The following S100A8 variants were observed in gnomAD, a reference collection of about 807,000 sequenced individuals.
S100A8 encodes protein S100-A8.
Under a neutral mutation model 4.2 loss-of-function variants are expected in S100A8, and 1 was observed. That is an observed-to-expected ratio of 0.24 (90% CI 0.08 to 1.12). The LOEUF (loss-of-function observed/expected upper bound fraction) is 1.12. S100A8 is among the 50% of genes most tolerant of loss of function. S100A8 has a pLI of 0.53. For missense variants in S100A8, 96 were observed against 111.8 expected (o/e 0.86, Z 0.64); for synonymous variants, 41 against 44.7 (o/e 0.92, Z 0.33).
At chr1:153,411,908 C>A in the S100A8 span, among the ~76,000 whole-genome samples, 1 of 152,148 alleles carries the variant, frequency 6.6e-6, no homozygotes, top group East Asian at 1.9e-4. Context: ...ATAAATGGTG[C>A]TGGGAAAACT....
the S100A8 span, among the ~76,000 whole-genome samples, chr1:153,417,736 G>T: frequency 6.6e-6 from 1 of 152,072 alleles, no homozygotes; most frequent in Non-Finnish European, 1.5e-5. Context: ...GCCATGTGCT[G>T]GTTGAGGCTG....
At chr1:153,409,348 C>CT in the S100A8 span, among the ~76,000 whole-genome samples, 2 of 152,132 alleles carry the variant, frequency 1.3e-5, no homozygotes, top group Non-Finnish European at 2.9e-5. Flanking sequence ...ATAAAACAGA[C>CT]TTTAAACCAA....
chr1:153,405,708 G>A, the S100A8 span, among the ~76,000 whole-genome samples: 17 of 152,254 alleles, frequency 1.1e-4, no homozygotes, highest in African/African-American at 4.1e-4. Flanking sequence ...CATTAAGCTT[G>A]TCCCCCACCT....
chr1:153,409,538 A>C, the S100A8 span, among the ~76,000 whole-genome samples: 271 of 152,346 alleles, frequency 1.8e-3, 1 homozygote, highest in Non-Finnish European at 2.2e-3. Flanking sequence ...GGGAGACTTT[A>C]ATACCCCACT....
chr1:153,401,934 T>C, the S100A8 span, among the ~76,000 whole-genome samples: 4 of 152,182 alleles, frequency 2.6e-5, no homozygotes, highest in Non-Finnish European at 5.9e-5. Context: ...TTTTTATCTT[T>C]AGGATTAGAG....
In S100A8 at chr1:153,390,056, C is replaced by A. The variant is rs1424715768; in HGVS notation, c.*47G>T. On this transcript the variant is annotated 3_prime_UTR_variant, in exon 3 of 3. Coordinates refer to ENST00000368733, the MANE Select transcript of S100A8 (RefSeq NM_002964.5). ...ATGAGGTATTGATGACTTTATTATT[C>A]TGCAGGTACATGTCCAGGGGCCCAG... The A allele has an allele frequency of 2.6e-6, 4 of 1,540,994 alleles. No individual in the cohort carries two copies. Among genetic ancestry groups the A allele is most frequent in the Middle Eastern group, 1.7e-4 (1 of 5,800 alleles).
At chr1:153,391,746 A>G (rs1662104054), upstream of S100A8, among the ~76,000 whole-genome samples, 1 of 152,036 alleles carries the variant, frequency 6.6e-6, no homozygotes, top group Admixed American at 6.6e-5. Context: ...GCCCTGGGAG[A>G]TGGAGGCTGC....
chr1:153,415,667 G>A, the S100A8 span, among the ~76,000 whole-genome samples: 1 of 146,242 alleles, frequency 6.8e-6, no homozygotes, highest in Non-Finnish European at 1.5e-5. Flanking sequence ...CCATGGGGCA[G>A]GAAAGAACTT....
upstream of S100A8, among the ~76,000 whole-genome samples, chr1:153,392,825 A>G (rs1662132647): frequency 6.6e-6 from 1 of 152,132 alleles, no homozygotes; most frequent in South Asian, 2.1e-4. Context: ...AAATAAATCC[A>G]GCTCTCTCTG....
chr1:153,397,648 G>A, the S100A8 span, among the ~76,000 whole-genome samples: 1 of 152,188 alleles, frequency 6.6e-6, no homozygotes, highest in Admixed American at 6.5e-5. Context: ...TGGTGGGCAT[G>A]AGGACCAGTG....
intron 1 of S100A8, 107 bp from the exon 2 acceptor site, chr1:153,390,664 A>G: frequency 7.1e-7 from 1 of 1,401,872 alleles, no homozygotes; most frequent in South Asian, 1.3e-5. Context: ...CCTGGCCTGC[A>G]CTCTCCAAAT....
chr1:153,398,475 C>T, the S100A8 span, among the ~76,000 whole-genome samples: 1 of 152,218 alleles, frequency 6.6e-6, no homozygotes, highest in South Asian at 2.1e-4. Context: ...ACTGTGCCAC[C>T]CTCTCCAGAG....
chr1:153,396,794 C>T, the S100A8 span: 1 of 152,356 alleles, frequency 6.6e-6, no homozygotes, highest in African/African-American at 2.4e-5. Flanking sequence ...GCATCAACAA[C>T]CCACCCAGGC....
the S100A8 span, among the ~76,000 whole-genome samples, chr1:153,418,851 A>G: frequency 6.6e-6 from 1 of 152,136 alleles, no homozygotes; most frequent in Admixed American, 6.5e-5. Context: ...GGGAACAGGC[A>G]AGATTGAGGC....
At position 153,390,527 on chromosome 1, in the gene S100A8, G is replaced by C. The variant is rs146790966; in HGVS notation, c.9C>G (p.Thr3=). 6.2e-7 allele frequency: 1 copy of C among 1,614,020 alleles called. No individual in the cohort carries two copies. Among genetic ancestry groups the C allele is most frequent in the East Asian group, 2.2e-5 (1 of 44,896 alleles). The change falls in exon 2 of 3, where the codon ACC becomes ACG. Residue 3 remains threonine, a synonymous_variant. Coordinates refer to ENST00000368733, the MANE Select transcript of S100A8 (RefSeq NM_002964.5). ...TAGAGTTCAAGGCTTTCTCCAGCTC[G>C]GTCAACATGATGCCCACGGACTTGC... ML[T]ELEKALNSII...
At chr1:153,401,282 G>A in the S100A8 span, among the ~76,000 whole-genome samples, 3 of 152,228 alleles carry the variant, frequency 2.0e-5, no homozygotes, top group East Asian at 1.9e-4. Context: ...CTTCCTTAAT[G>A]TTTATCAGAA....
the S100A8 span, chr1:153,416,595 G>A: frequency 2.2e-6 from 1 of 463,126 alleles, no homozygotes; most frequent in Non-Finnish European, 4.3e-6. Context: ...GCATTTTCTA[G>A]AAGTGCCCAG....
chr1:153,410,828 C>T, the S100A8 span, among the ~76,000 whole-genome samples: 552 of 152,098 alleles, frequency 3.6e-3, 3 homozygotes, highest in African/African-American at 4.2e-3. Context: ...ATTCAACATA[C>T]GCAAATCATT....
chr1:153,396,314 T>TA, the S100A8 span, among the ~76,000 whole-genome samples: 2 of 152,286 alleles, frequency 1.3e-5, no homozygotes, highest in African/African-American at 4.8e-5. Flanking sequence ...TTCGTTGATC[T>TA]AAAATGGATC....
Sources: allele counts gnomAD v4.1 joint callset (sites outside exome capture counted in the v4.1 genomes callset), GRCh38; gene constraint gnomAD v4.1.1; transcripts MANE v1.5; gene names NCBI Gene and HGNC (gene_info 2026-07-23, HGNC 2026-07-21).